The following LMNTD1 variants were observed in gnomAD, a reference collection of about 807,000 sequenced individuals.
LMNTD1 encodes the protein lamin tail domain containing 1, also known as lamin tail domain-containing protein 1.
A neutral mutation model predicts 50.9 loss-of-function variants in LMNTD1; 35 were observed. The observed-to-expected ratio is 0.69, with a 90% CI of 0.53 to 0.91. LMNTD1 has a LOEUF of 0.91. LMNTD1 is among the 40% of genes least tolerant of loss of function. LMNTD1 has a pLI of 0.00. For synonymous variants in LMNTD1, 153 were observed against 161.9 expected (o/e 0.94, Z 0.42); for missense variants, 470 against 475.5 (o/e 0.99, Z 0.11).
chr12:25,621,080 T>G (rs1592112455), intron 1 of LMNTD1, among the ~76,000 whole-genome samples: 1 of 152,246 alleles, frequency 6.6e-6, no homozygotes, highest in Non-Finnish European at 1.5e-5. Flanking sequence ...ATTCATTAGC[T>G]GTTGACCTTC....
chr12:25,518,932 C>A lies in LMNTD1; in HGVS notation c.1052G>T (p.Arg351Leu), dbSNP rs1941018452. The A allele has an allele frequency of 3.7e-6, 6 of 1,613,616 alleles. No individual in the cohort carries two copies. In the Admixed American group the frequency reaches 5.0e-5, roughly 13 times the overall value. ...KEIPPTVFPN[R>L]SPWCQNPYVS... ...ATAGGGATTCTGGCACCAAGGGCTGCGATTAGGGAAAACGGTTGGTGGGAT... is the reference window on the plus strand; with the variant it reads ...ATAGGGATTCTGGCACCAAGGGCTGAGATTAGGGAAAACGGTTGGTGGGAT... The change falls in exon 8 of 10, where the codon CGC (arginine) becomes CTC (leucine). Residue 351 changes from arginine (R) to leucine (L), a missense_variant. Coordinates refer to ENST00000458174, the MANE Select transcript of LMNTD1 (RefSeq NM_001145728.2).
At chr12:25,557,835 T>G (rs973495408), upstream of LMNTD1, among the ~76,000 whole-genome samples, 1 of 152,218 alleles carries the variant, frequency 6.6e-6, no homozygotes. Context: ...AAATTTGCAG[T>G]TTCATTTTCT....
intron 1 of LMNTD1, among the ~76,000 whole-genome samples, chr12:25,609,629 T>C (rs1469851554): frequency 6.6e-6 from 1 of 152,234 alleles, no homozygotes; most frequent in Non-Finnish European, 1.5e-5. Flanking sequence ...CCAGACCCTG[T>C]TTGCCTGGGT....
chr12:25,537,209 C>T lies in LMNTD1; in HGVS notation c.491+9165G>A, dbSNP rs554288537. On this transcript the variant is annotated intron_variant, in intron 4 of 9. Coordinates refer to ENST00000458174, the MANE Select transcript of LMNTD1 (RefSeq NM_001145728.2). ...AAACAAAGCAGCCTGGAAGCTCGAACTGGGTGGAGCCTACCACAGCTCAAG... is the reference window on the plus strand; with the variant it reads ...AAACAAAGCAGCCTGGAAGCTCGAATTGGGTGGAGCCTACCACAGCTCAAG... Among the ~76,000 whole-genome samples, 48 of 152,352 alleles carry T rather than the reference C, an allele frequency of 3.2e-4. 1 individual carries two copies. Among genetic ancestry groups the T allele is most frequent in the African/African-American group, 1.0e-3 (43 of 41,598 alleles).
intron 1 of LMNTD1, among the ~76,000 whole-genome samples, chr12:25,603,907 A>G (rs1418907699): frequency 6.6e-6 from 1 of 151,690 alleles, no homozygotes; most frequent in Non-Finnish European, 1.5e-5. Flanking sequence ...AGTCAGGGAA[A>G]TTGTAGATAT....
At chr12:25,646,075 T>C (rs1947063731) in intron 1 of LMNTD1, among the ~76,000 whole-genome samples, 1 of 152,134 alleles carries the variant, frequency 6.6e-6, no homozygotes, top group African/African-American at 2.4e-5. Flanking sequence ...GTCCTGTTTG[T>C]TGGCTATTGA....
rs200888810 is a variant in LMNTD1, at chr12:25,553,100, A to C, written c.-62T>G. On this transcript the variant is annotated 5_prime_UTR_variant, in exon 1 of 10. Transcript: ENST00000458174. ...ATCCAACTACCTTCAAGCATCAGCT[A>C]GGTTTAATAATTTCTTTACCAAACT... 1 of 1,613,492 alleles carries C rather than the reference A, an allele frequency of 6.2e-7. No individual in the cohort carries two copies. Among genetic ancestry groups the C allele is most frequent in the African/African-American group, 1.3e-5 (1 of 75,054 alleles).
At chr12:25,479,856 G>T (rs561298099) in intron 9 of LMNTD1, among the ~76,000 whole-genome samples, 1 of 152,282 alleles carries the variant, frequency 6.6e-6, no homozygotes, top group South Asian at 2.1e-4. Flanking sequence ...GCCATATCAA[G>T]GGCTCAATGT....
chr12:25,624,515 T>C (rs1005124948), intron 1 of LMNTD1, among the ~76,000 whole-genome samples: 14 of 152,174 alleles, frequency 9.2e-5, no homozygotes, highest in Admixed American at 1.3e-4. Flanking sequence ...ATGGTGTGGA[T>C]TTATATGAAC....
chr12:25,502,404 GC>G lies in LMNTD1; in HGVS notation c.*22+1333del, dbSNP rs1939443647. ...TGCATTTCAATTGCACACTACTAAA[GC>G]TTATGACAACTGAAGGAAATTGATC... On this transcript the variant is annotated intron_variant, in intron 9 of 9. Transcript: ENST00000458174. Among the ~76,000 whole-genome samples, 8 of 152,248 alleles carry G rather than the reference GC, an allele frequency of 5.3e-5. No homozygotes were observed. The East Asian group carries it at 1.5e-3, about 29-fold the overall frequency.
At chr12:25,588,419 C>T (rs1945604277) in intron 1 of LMNTD1, among the ~76,000 whole-genome samples, 1 of 152,056 alleles carries the variant, frequency 6.6e-6, no homozygotes, top group South Asian at 2.1e-4. Flanking sequence ...ACCACAAATT[C>T]TGGACACTTC....
In LMNTD1 at chr12:25,482,239, T is replaced by C. The variant is rs141972022; in HGVS notation, c.*23-5779A>G. ...GTGTTTGATTAGAATCAATAGAAGA[T>C]AACATGTTAAGAACAAATAACTTAA... On this transcript the variant is annotated intron_variant, in intron 9 of 9. Coordinates refer to ENST00000458174, the MANE Select transcript of LMNTD1 (RefSeq NM_001145728.2). Among the ~76,000 whole-genome samples, 856 of 152,108 alleles carry C rather than the reference T, an allele frequency of 5.6e-3. 14 individuals carry two copies. Among genetic ancestry groups the C allele is most frequent in the Non-Finnish European group, 9.5e-3 (649 of 68,022 alleles).
intron 1 of LMNTD1, among the ~76,000 whole-genome samples, chr12:25,620,767 C>T (rs1019996623): frequency 1.3e-5 from 2 of 152,178 alleles, no homozygotes; most frequent in South Asian, 2.1e-4. Flanking sequence ...TACTCCACTC[C>T]GTAGCTACTA....
chr12:25,580,579 T>C (rs1040772141), intron 1 of LMNTD1, among the ~76,000 whole-genome samples: 5 of 152,182 alleles, frequency 3.3e-5, no homozygotes, highest in African/African-American at 4.8e-5. Flanking sequence ...ATGAACAAAA[T>C]ATAGACAGTC....
At position 25,616,093 on chromosome 12, in the gene LMNTD1, A is replaced by AACACAC. The variant is rs10564512; in HGVS notation, c.58+32395_58+32400dup. 4.0e-3 allele frequency among the ~76,000 whole-genome samples: 599 copies of AACACAC among 148,698 alleles called. 5 individuals carry two copies. Among genetic ancestry groups the AACACAC allele is most frequent in the African/African-American group, 0.014 (560 of 40,428 alleles). On this transcript the variant is annotated intron_variant, in intron 1 of 7. Transcript: ENST00000445693. ...CACCCTCCCACCCCGACACACACAT[A>AACACAC]ACACACACACACACACACACACACA...
chr12:25,586,194 G>T (rs1169520627), intron 1 of LMNTD1: 1 of 150,830 alleles, frequency 6.6e-6, no homozygotes, highest in Non-Finnish European at 1.5e-5. Flanking sequence ...TTTAATATTT[G>T]TTTTTTTTTC....
At chr12:25,636,075 C>T (rs1946826677) in intron 1 of LMNTD1, among the ~76,000 whole-genome samples, 1 of 152,050 alleles carries the variant, frequency 6.6e-6, no homozygotes, top group Admixed American at 6.6e-5. Context: ...TTGGCTTAGG[C>T]AAAGATTTTA....
At chr12:25,503,842 G>T (rs1939533224) in intron 8 of LMNTD1, 42 bp from the exon 9 acceptor site, 2 of 1,131,590 alleles carry the variant, frequency 1.8e-6, no homozygotes, top group African/African-American at 1.6e-5. Flanking sequence ...AGAGAGGCTA[G>T]GTAGGGAAGG....
intron 9 of LMNTD1, among the ~76,000 whole-genome samples, chr12:25,492,858 C>G (rs1373207992): frequency 6.6e-6 from 1 of 152,146 alleles, no homozygotes; most frequent in East Asian, 1.9e-4. Context: ...ACACTTGGCC[C>G]CAGAATACAA....
Sources: gnomAD v4.1 joint callset for allele counts (sites outside exome capture counted in the v4.1 genomes callset) on GRCh38, gnomAD v4.1.1 for gene constraint, MANE v1.5 for transcripts, NCBI Gene and HGNC (gene_info 2026-07-23, HGNC 2026-07-21) for gene names.